STRN4: variants seen among roughly 807,000 people sequenced by gnomAD.
STRN4 encodes striatin 4, also known as striatin-4.
STRN4 carries 27 observed loss-of-function variants against 77.9 expected under a neutral mutation model. The observed-to-expected ratio is 0.35, with a 90% confidence interval of 0.26 to 0.48. The LOEUF (loss-of-function observed/expected upper bound fraction) is 0.48, where lower values mean the gene tolerates loss of function less well. STRN4 is among the 20% of genes least tolerant of loss of function. The pLI is 0.99. For synonymous variants in STRN4, 466 were observed against 443.1 expected (o/e 1.05, Z -0.65); for missense variants, 798 against 1,049.7 (o/e 0.76, Z 3.31).
intron 11 of STRN4, 28 bp from the exon 12 acceptor site, chr19:46,724,956 G>A: frequency 6.2e-7 from 1 of 1,613,432 alleles, no homozygotes; most frequent in East Asian, 2.2e-5. Context: ...GTGGAAAGGG[G>A]GATGAGACAA....
chr19:46,722,912 C>T lies in STRN4; in HGVS notation c.1804G>A (p.Glu602Lys), dbSNP rs745532574. The change falls in exon 14 of 18, where the codon GAG becomes AAG. Residue 602 changes from glutamate to lysine, a missense_variant. Glu to Lys is a moderately conservative substitution (Grantham distance 56, BLOSUM62 1). This residue lies in a region of STRN4 where 287 missense variants were observed against 473.8 expected (regional missense o/e 0.61). Coordinates refer to ENST00000263280, the MANE Select transcript of STRN4 (RefSeq NM_013403.3). Reference protein sequence around the residue: ...VPTSVAFTSTEPAHIVASFRS... With the variant: ...VPTSVAFTSTKPAHIVASFRS... ...AAGGAGGCCACGATGTGGGCAGGCT[C>T]GGTGCTGGTGAAGGCCACTGAGGTG... The T allele has an allele frequency of 2.4e-5, 38 of 1,613,820 alleles. No homozygotes were observed. Among genetic ancestry groups the T allele is most frequent in the Admixed American group, 2.3e-4 (14 of 60,010 alleles).
rs1568397238 is a variant in STRN4, at chr19:46,730,777, CTCG to C, written c.831_833del (p.Asp277del). ...GCTGCACGCTGTCCAGCTCATCGTC[CTCG>C]TCGCTGTCTTCGTCCTCGCAGTTCT... On this transcript the variant is annotated inframe_deletion, in exon 6 of 18. Coordinates refer to ENST00000263280, the MANE Select transcript of STRN4 (RefSeq NM_013403.3). 6.2e-7 allele frequency: 1 copy of C among 1,613,066 alleles called. No individual in the cohort carries two copies. Among genetic ancestry groups the C allele is most frequent in the African/African-American group, 1.3e-5 (1 of 75,060 alleles).
intron 14 of STRN4, 118 bp downstream of exon 14, chr19:46,722,692 C>A: frequency 6.9e-7 from 1 of 1,458,064 alleles, no homozygotes; most frequent in Non-Finnish European, 9.3e-7. Context: ...CTGCTCAGGG[C>A]CTGAGGGTGC....
At chr19:46,740,442 G>T (rs1234306737) in intron 1 of STRN4, among the ~76,000 whole-genome samples, 34 of 151,968 alleles carry the variant, frequency 2.2e-4, no homozygotes, top group Admixed American at 2.2e-3. Context: ...CTACTTATAT[G>T]ACATCAGCAT....
chr19:46,745,954 TCCCACC>T, intron 1 of STRN4, 189 bp downstream of exon 1: 1 of 543,710 alleles, frequency 1.8e-6, no homozygotes, highest in Non-Finnish European at 2.7e-6. Flanking sequence ...CCCGGTCCCG[TCCCACC>T]CCGGAGTGCC....
Position 46,728,599 on chromosome 19 carries a change from C to A in STRN4, c.1039+19G>T. The A allele has an allele frequency of 6.2e-7, 1 of 1,606,934 alleles. No homozygotes were observed. The highest frequency in any genetic ancestry group is 1.1e-5 in the South Asian group (1 of 90,852). ...GGTGGGGAAGGCAAGCGGGGGCTGGCCAGAAAACGTCAGCTCACCCAGCTC... is the reference window on the plus strand; with the variant it reads ...GGTGGGGAAGGCAAGCGGGGGCTGGACAGAAAACGTCAGCTCACCCAGCTC... On this transcript the variant is annotated intron_variant, in intron 7 of 17. Coordinates refer to ENST00000263280, the MANE Select transcript of STRN4 (RefSeq NM_013403.3).
intron 12 of STRN4, 33 bp downstream of exon 12, chr19:46,724,774 A>G (rs752267469): frequency 6.2e-7 from 1 of 1,613,656 alleles, no homozygotes; most frequent in African/African-American, 1.3e-5. Flanking sequence ...GCCCCAGTGG[A>G]TGTGAGGGGA....
chr19:46,745,340 A>G (rs1462268666), intron 1 of STRN4, among the ~76,000 whole-genome samples: 1 of 151,990 alleles, frequency 6.6e-6, no homozygotes, highest in Non-Finnish European at 1.5e-5. Flanking sequence ...TGCTCTGTCC[A>G]CACTTCCACT....
Position 46,733,299 on chromosome 19 carries a change from C to T in STRN4, c.540-63G>A. On this transcript the variant is annotated intron_variant, in intron 4 of 17. Coordinates refer to ENST00000263280, the MANE Select transcript of STRN4 (RefSeq NM_013403.3). The surrounding 1 kb of genome is among the most constrained non-coding windows in gnomAD (Gnocchi z 4.3). Reference sequence around the variant, plus strand: ...TGGGCTTCTTCATGTACCACAGGGGCCAATGCAAACCGAGACAACCTCTTA... The same window carrying T: ...TGGGCTTCTTCATGTACCACAGGGGTCAATGCAAACCGAGACAACCTCTTA... The T allele has an allele frequency of 6.6e-7, 1 of 1,513,644 alleles. No individual in the cohort carries two copies. The allele number at this position is 1,513,644 out of a possible 1,614,324, so 93.8% of individuals were successfully genotyped here. A position where few individuals can be genotyped will look rare whatever the true frequency, so the allele number is the denominator to read the frequency against.
chr19:46,742,783 G>C (rs1185547433), intron 1 of STRN4, among the ~76,000 whole-genome samples: 1 of 152,182 alleles, frequency 6.6e-6, no homozygotes, highest in African/African-American at 2.4e-5. Flanking sequence ...CGCTGGTCTT[G>C]AACTCCAGAC....
rs1353333529 is a variant in STRN4, at chr19:46,725,511, G to A, written c.1386C>T (p.Leu462=). The change falls in exon 10 of 18, where the codon CTC becomes CTT. Residue 462 remains leucine (L), a synonymous_variant. Coordinates refer to ENST00000263280, the MANE Select transcript of STRN4 (RefSeq NM_013403.3). ...ALLTASEDGT[L]KLWNLQKAVT... The stretch of plus-strand genomic sequence containing the variant: ...CCGCCTTCTGCAGGTTCCAGAGCTT[G>A]AGCGTGCCGTCCTCGGAGGCGGTGA... 5 of 1,614,068 alleles carry A rather than the reference G, an allele frequency of 3.1e-6. No individual in the cohort carries two copies. The highest frequency in any genetic ancestry group is 4.5e-5 in the East Asian group (2 of 44,900).
In STRN4 at chr19:46,738,726, C is replaced by T; in HGVS notation, c.386+59G>A. The stretch of plus-strand genomic sequence containing the variant: ...TGGAAGGAGGCGTGGCTGGTGGCCT[C>T]CTGACACTGTGCTTGAGACGGACCC... On this transcript the variant is annotated intron_variant, in intron 2 of 17. Transcript: ENST00000263280. This position sits in a 1 kb window ranked among gnomAD's most constrained non-coding sequence, Gnocchi z 4.5. 6.4e-7 allele frequency: 1 copy of T among 1,564,536 alleles called. No individual in the cohort carries two copies. The highest frequency in any genetic ancestry group is 8.8e-7 in the Non-Finnish European group (1 of 1,136,060).
rs1474619269 is a variant in STRN4 at position 46,733,259 on chromosome 19, G to A, written c.540-23C>T. 1 of 1,602,856 alleles carries A rather than the reference G, an allele frequency of 6.2e-7. No individual in the cohort carries two copies. ...TACCTGCAGGGGTGCAGAGCCACGT[G>A]GGTCAGACATCCCCTGGGCTTCTTC... On this transcript the variant is annotated intron_variant, in intron 4 of 17. Transcript: ENST00000263280. The surrounding 1 kb of genome is among the most constrained non-coding windows in gnomAD (Gnocchi z 4.3).
intron 4 of STRN4, among the ~76,000 whole-genome samples, chr19:46,734,475 ACT>A (rs1372886456): frequency 6.6e-6 from 1 of 152,198 alleles, no homozygotes; most frequent in African/African-American, 2.4e-5. Context: ...TTTTTATCAC[ACT>A]GTCTATAATA....
rs773228520 is a variant in STRN4 at position 46,725,662 on chromosome 19, G to T, written c.1249-14C>A. Reference sequence around the variant, plus strand: ...GCTGTCAGACAGCTGGGGTTGGGGGGAGCTGCCTCAGTGTCTTCGCATCCA... The same window carrying T: ...GCTGTCAGACAGCTGGGGTTGGGGGTAGCTGCCTCAGTGTCTTCGCATCCA... On this transcript the variant is annotated splice_polypyrimidine_tract_variant and intron_variant, in intron 9 of 17. Transcript: ENST00000263280. 1 of 1,612,354 alleles carries T rather than the reference G, an allele frequency of 6.2e-7. No homozygotes were observed. Among genetic ancestry groups the T allele is most frequent in the Non-Finnish European group, 8.5e-7 (1 of 1,178,790 alleles).
chr19:46,725,869 C>G lies in STRN4; in HGVS notation c.1249-221G>C. 5.0e-6 allele frequency: 3 copies of G among 602,780 alleles called. No individual in the cohort carries two copies. In the Admixed American group the frequency reaches 9.2e-5, roughly 18 times the overall value. 37.3% of individuals were successfully genotyped at this position (602,780 alleles called of 1,614,324 possible). On this transcript the variant is annotated intron_variant, in intron 9 of 17. Transcript: ENST00000263280. The stretch of plus-strand genomic sequence containing the variant: ...CACACTGCGCTGGGTTCTGGAGAGA[C>G]AAAGGTGAGCCTGACCCCTTGGGGT...
chr19:46,746,102 C>T, intron 1 of STRN4, 47 bp downstream of exon 1: 3 of 1,373,680 alleles, frequency 2.2e-6, no homozygotes, highest in South Asian at 1.4e-5. Flanking sequence ...TGAGGCCGGG[C>T]CGGGCCGGGC....
intron 14 of STRN4, 99 bp downstream of exon 14, chr19:46,722,711 C>T: frequency 2.0e-6 from 3 of 1,538,168 alleles, no homozygotes; most frequent in African/African-American, 2.7e-5. Flanking sequence ...GCAGGGGAGT[C>T]ATCTGAGCTG....
chr19:46,720,343 G>T lies in STRN4; in HGVS notation c.*67-5C>A. 1 of 366,808 alleles carries T rather than the reference G, an allele frequency of 2.7e-6. No individual in the cohort carries two copies. The highest frequency in any genetic ancestry group is 4.8e-6 in the Non-Finnish European group (1 of 206,444). The allele number at this position is 366,808 out of a possible 1,614,324, so 22.7% of individuals were successfully genotyped here. On this transcript the variant is annotated splice_region_variant and splice_polypyrimidine_tract_variant and intron_variant, in intron 17 of 17. Coordinates refer to ENST00000263280, the MANE Select transcript of STRN4 (RefSeq NM_013403.3). ...TCCAGCGAGGCTGGGAGTCCCCTGCGGGAAAGAGAAGGGAGGGGAGACTGA... is the reference window on the plus strand; with the variant it reads ...TCCAGCGAGGCTGGGAGTCCCCTGCTGGAAAGAGAAGGGAGGGGAGACTGA...
Sources: allele counts gnomAD v4.1 joint callset (sites outside exome capture counted in the v4.1 genomes callset), GRCh38; gene constraint gnomAD v4.1.1; regional missense constraint gnomAD v4.1.1; non-coding constraint Gnocchi (gnomAD v3.1); transcripts MANE v1.5; gene names NCBI Gene and HGNC (gene_info 2026-07-23, HGNC 2026-07-21).